The following MDN1 variants were observed in gnomAD, a reference collection of about 807,000 sequenced individuals.
MDN1 encodes midasin AAA ATPase 1.
Under a neutral mutation model 669.2 loss-of-function variants are expected in MDN1, and 266 were observed. That is an observed-to-expected ratio of 0.40 (90% CI 0.36 to 0.44). The LOEUF is 0.44. Ranked by LOEUF, MDN1 falls within the 20% of genes least tolerant of loss-of-function variation. The pLI is 1.00. For synonymous variants in MDN1, 2,385 were observed against 2,457.1 expected (o/e 0.97, Z 0.87); for missense variants, 5,940 against 6,754.0 (o/e 0.88, Z 4.22).
intron 1 of MDN1, among the ~76,000 whole-genome samples, chr6:89,817,180 T>C (rs1483269150): frequency 1.3e-5 from 2 of 152,192 alleles, no homozygotes; most frequent in South Asian, 2.1e-4. Flanking sequence ...CTCCCTAAAA[T>C]GTATAAAACC....
intron 38 of MDN1, among the ~76,000 whole-genome samples, chr6:89,723,830 T>G (rs1158449904): frequency 6.6e-6 from 1 of 152,140 alleles, no homozygotes; most frequent in Admixed American, 6.5e-5. Context: ...GTTTTGTTTT[T>G]AAGGTCTATT....
In MDN1 at chr6:89,771,445, C is replaced by A. The variant is rs193051341; in HGVS notation, c.2144+116G>T. On this transcript the variant is annotated intron_variant, in intron 15 of 101. Coordinates refer to ENST00000369393, the MANE Select transcript of MDN1 (RefSeq NM_014611.3). The stretch of plus-strand genomic sequence containing the variant: ...CAATAAAGCCTTATCTGAGAAAACT[C>A]TTTTTCTATTGCATCGAGCATCCTA... The A allele has an allele frequency of 2.8e-4, 245 of 876,976 alleles. 1 individual carries two copies. In the African/African-American group the frequency reaches 3.9e-3, roughly 14 times the overall value. 54.3% of individuals were successfully genotyped at this position (876,976 alleles called of 1,614,324 possible).
intron 1 of MDN1, among the ~76,000 whole-genome samples, chr6:89,808,423 G>A (rs1333642071): frequency 6.6e-6 from 1 of 152,030 alleles, no homozygotes; most frequent in African/African-American, 2.4e-5. Context: ...CTAGAGTGTG[G>A]CCCTTCTGGG....
chr6:89,682,851 G>T (rs1220750782), intron 73 of MDN1, among the ~76,000 whole-genome samples: 2 of 149,778 alleles, frequency 1.3e-5, no homozygotes, highest in African/African-American at 4.9e-5. Flanking sequence ...GGAGGTTGAC[G>T]TGGAAGGATC....
chr6:89,776,614 T>G lies in MDN1; in HGVS notation c.1807A>C (p.Ile603Leu), dbSNP rs768020102. 1 of 1,608,788 alleles carries G rather than the reference T, an allele frequency of 6.2e-7. No homozygotes were observed. Among genetic ancestry groups the G allele is most frequent in the South Asian group, 1.1e-5 (1 of 90,550 alleles). ...MAEVIGSKLNISRKKAEFFCQ... is the reference protein window; with the variant it reads ...MAEVIGSKLNLSRKKAEFFCQ... The stretch of plus-strand genomic sequence containing the variant: ...AGCACACATACCTTTTTTCTAGAAA[T>G]GTTCAATTTGCTTCCAATAACTTCT... Residue 603 changes from isoleucine (I) to leucine (L), a missense_variant, in exon 12 of 102, where the codon ATT becomes CTT. Ile to Leu is a conservative substitution (Grantham distance 5, BLOSUM62 2). Coordinates refer to ENST00000369393, the MANE Select transcript of MDN1 (RefSeq NM_014611.3).
intron 88 of MDN1, among the ~76,000 whole-genome samples, 164 bp downstream of exon 88, chr6:89,661,267 G>T (rs1391224121): frequency 6.6e-6 from 1 of 152,194 alleles, no homozygotes; most frequent in Non-Finnish European, 1.5e-5. Flanking sequence ...AATCACATGA[G>T]AAATACTACA....
chr6:89,665,706 C>CAAA (rs61352567), intron 84 of MDN1, among the ~76,000 whole-genome samples: 35 of 126,226 alleles, frequency 2.8e-4, no homozygotes, highest in African/African-American at 4.9e-4. Context: ...GACTCCGTTT[C>CAAA]AAAAAAAAAA....
At position 89,716,862 on chromosome 6, in the gene MDN1, G is replaced by T. The variant is rs1453899830; in HGVS notation, c.6584-53C>A. The T allele has an allele frequency of 5.4e-6, 8 of 1,468,416 alleles. No homozygotes were observed. The South Asian group carries it at 8.7e-5, about 16-fold the overall frequency. 91.0% of individuals were successfully genotyped at this position (1,468,416 alleles called of 1,614,324 possible). On this transcript the variant is annotated intron_variant, in intron 43 of 101. Coordinates refer to ENST00000369393, the MANE Select transcript of MDN1 (RefSeq NM_014611.3). ...TCCACAGCACTTAACTTCAAACAAAGAATTAAGTTTATGAAAAGGAAGCTT... is the reference window on the plus strand; with the variant it reads ...TCCACAGCACTTAACTTCAAACAAATAATTAAGTTTATGAAAAGGAAGCTT...
chr6:89,798,799 A>G (rs1459589968), intron 2 of MDN1, among the ~76,000 whole-genome samples: 12 of 152,326 alleles, frequency 7.9e-5, no homozygotes, highest in African/African-American at 2.6e-4. Context: ...GTGCAAGAGA[A>G]AAGACATTTG....
intron 62 of MDN1, 82 bp downstream of exon 62, chr6:89,693,992 C>A: frequency 9.1e-7 from 1 of 1,103,758 alleles, no homozygotes; most frequent in South Asian, 1.3e-5. Flanking sequence ...TGTATATTAT[C>A]ACTTCTACTC....
chr6:89,752,404 T>C (rs914418208), intron 22 of MDN1, among the ~76,000 whole-genome samples: 4 of 152,168 alleles, frequency 2.6e-5, no homozygotes, highest in African/African-American at 9.7e-5. Context: ...TTACCGAAAG[T>C]ATTTACGCAT....
rs769074838 is a variant in MDN1 at position 89,708,600 on chromosome 6, T to C, written c.7794A>G (p.Arg2598=). The change falls in exon 51 of 102, where the codon CGA becomes CGG. Residue 2598 remains arginine (R), a synonymous_variant. Transcript: ENST00000369393. ...TCATGTCCAGAGCCTGCATATTCCA[T>C]CGGGGATCCAGAGGGATCACAAATT... ...TDEFVIPLDP[R]WNMQALDMIR... The C allele has an allele frequency of 8.0e-5, 129 of 1,613,952 alleles. No individual in the cohort carries two copies. Among genetic ancestry groups the C allele is most frequent in the Non-Finnish European group, 1.1e-4 (127 of 1,179,972 alleles).
intron 48 of MDN1, 117 bp downstream of exon 48, chr6:89,712,458 A>G: frequency 9.1e-7 from 1 of 1,098,632 alleles, no homozygotes; most frequent in Non-Finnish European, 1.4e-6. Context: ...AAACTATGAC[A>G]GCTACACAAT....
At chr6:89,685,336 G>C (rs1182889097) in intron 70 of MDN1, among the ~76,000 whole-genome samples, 7 of 152,012 alleles carry the variant, frequency 4.6e-5, no homozygotes, top group Admixed American at 4.6e-4. Flanking sequence ...TTAAAAGATG[G>C]CATATTAAGC....
intron 51 of MDN1, among the ~76,000 whole-genome samples, chr6:89,708,283 A>G (rs1254905129): frequency 6.6e-6 from 1 of 152,220 alleles, no homozygotes; most frequent in Admixed American, 6.5e-5. Flanking sequence ...AGCCTCAGTG[A>G]CAGAGCTAGA....
At position 89,658,354 on chromosome 6, in the gene MDN1, T is replaced by C. The variant is rs1238854922; in HGVS notation, c.15038A>G (p.Glu5013Gly). Residue 5013 changes from glutamate (E) to glycine (G), a missense_variant, in exon 90 of 102, where the codon GAG (glutamate) becomes GGG (glycine). Glu to Gly is a moderately conservative substitution (Grantham distance 98, BLOSUM62 -2). Transcript: ENST00000369393. ...CACCTGCTCCTCTGTATCAGAGTCC[T>C]CCCGTTCTTCTTCCTCCTTCGGCAG... is the stretch of plus-strand genomic sequence containing the variant. Reference protein sequence around the residue: ...GFQPQEEEEREDSDTEEQVPE... With the variant: ...GFQPQEEEERGDSDTEEQVPE... The C allele has an allele frequency of 1.2e-6, 2 of 1,614,180 alleles. No individual in the cohort carries two copies. Among genetic ancestry groups the C allele is most frequent in the Non-Finnish European group, 1.7e-6 (2 of 1,180,042 alleles).
chr6:89,642,806 A>G lies in MDN1; in HGVS notation c.*1199T>C, dbSNP rs1310972161. On this transcript the variant is annotated 3_prime_UTR_variant, in exon 102 of 102. Coordinates refer to ENST00000369393, the MANE Select transcript of MDN1 (RefSeq NM_014611.3). The stretch of plus-strand genomic sequence containing the variant: ...CAACAACAGTGGTATATGTTTTAAT[A>G]GTTTTCAGAATATAAGCTGCATAGC... 2 of 152,256 alleles carry G rather than the reference A, an allele frequency of 1.3e-5. No homozygotes were observed. Among genetic ancestry groups the G allele is most frequent in the African/African-American group, 4.8e-5 (2 of 41,462 alleles). 9.4% of individuals were successfully genotyped at this position (152,256 alleles called of 1,614,324 possible).
At chr6:89,765,128 G>T (rs1817747234) in intron 15 of MDN1, among the ~76,000 whole-genome samples, 1 of 152,072 alleles carries the variant, frequency 6.6e-6, no homozygotes. Flanking sequence ...CATAGTGGCG[G>T]GCGCCTATAG....
intron 83 of MDN1, 140 bp from the exon 84 acceptor site, chr6:89,668,291 C>A (rs1810409432): frequency 9.6e-7 from 1 of 1,042,032 alleles, no homozygotes. Flanking sequence ...GCTGGAAGTA[C>A]AGGAGACTTC....
Sources: gnomAD v4.1 joint callset for allele counts (sites outside exome capture counted in the v4.1 genomes callset) on GRCh38, gnomAD v4.1.1 for gene constraint, MANE v1.5 for transcripts, NCBI Gene and HGNC (gene_info 2026-07-23, HGNC 2026-07-21) for gene names.